RASA3: variants seen among roughly 807,000 people sequenced by gnomAD.
The protein encoded by RASA3 is RAS p21 protein activator 3.
In RASA3, 73 loss-of-function variants were observed where a neutral mutation model predicts 110.0. That is an observed-to-expected ratio of 0.66 (90% CI 0.55 to 0.81). The LOEUF (loss-of-function observed/expected upper bound fraction) is 0.81, where lower values mean the gene tolerates loss of function less well. RASA3 is among the 30% of genes least tolerant of loss of function. The probability of loss-of-function intolerance (pLI) is 0.00; values close to 1 mark genes in which losing one functional copy is unlikely to be tolerated. For missense variants in RASA3, 976 were observed against 1,113.2 expected (o/e 0.88, Z 1.75); for synonymous variants, 500 against 451.4 (o/e 1.11, Z -1.37).
At chr13:114,087,812 C>T (rs2139704142) in intron 1 of RASA3, among the ~76,000 whole-genome samples, 1 of 152,366 alleles carries the variant, frequency 6.6e-6, no homozygotes, top group African/African-American at 2.4e-5. Flanking sequence ...ATTCTGGGAG[C>T]AGCATTTCCT....
chr13:114,090,180 C>G (rs1002300084), intron 1 of RASA3, among the ~76,000 whole-genome samples: 1 of 152,186 alleles, frequency 6.6e-6, no homozygotes, highest in South Asian at 2.1e-4. Context: ...TGGGGCCGCA[C>G]GGCAACAGGT....
chr13:114,024,441 C>T, intron 7 of RASA3, 86 bp from the exon 8 acceptor site: 1 of 1,208,118 alleles, frequency 8.3e-7, no homozygotes, highest in Non-Finnish European at 1.2e-6. Flanking sequence ...GCTGCCCTAC[C>T]CTCTGCGCTT....
chr13:114,002,337 G>A (rs940905749), intron 18 of RASA3, among the ~76,000 whole-genome samples: 5 of 152,218 alleles, frequency 3.3e-5, no homozygotes, highest in African/African-American at 4.8e-5. Flanking sequence ...AGAAAAGGGC[G>A]GGGCGCTGGG....
chr13:114,059,227 G>A (rs2079297152), intron 2 of RASA3, among the ~76,000 whole-genome samples: 1 of 151,692 alleles, frequency 6.6e-6, no homozygotes, highest in Admixed American at 6.6e-5. Context: ...AGTCCCGCCT[G>A]GAGGAGCCGC....
In RASA3 at chr13:114,062,177, T is replaced by C. The variant is rs938085295; in HGVS notation, c.174-10022A>G. Among the ~76,000 whole-genome samples the C allele has an allele frequency of 5.2e-5, 7 of 135,282 alleles. No homozygotes were observed. The East Asian group carries it at 1.5e-3, about 29-fold the overall frequency. 88.8% of individuals were successfully genotyped at this position (135,282 alleles called of 152,430 possible). A position where few individuals can be genotyped will look rare whatever the true frequency, so the allele number is the denominator to read the frequency against. ...TCCATTTATGTGCAAGTTTTTAGAATTTTCCTGTGGGTTTTTTTTTTACTT... is the reference window on the plus strand; with the variant it reads ...TCCATTTATGTGCAAGTTTTTAGAACTTTCCTGTGGGTTTTTTTTTTACTT... On this transcript the variant is annotated intron_variant, in intron 2 of 23. Coordinates refer to ENST00000334062, the MANE Select transcript of RASA3 (RefSeq NM_007368.4).
chr13:114,024,358 G>A lies in RASA3; in HGVS notation c.604-3C>T, dbSNP rs2139348834. On this transcript the variant is annotated splice_polypyrimidine_tract_variant and splice_region_variant and intron_variant, in intron 7 of 23. Transcript: ENST00000334062. ...CTGTAGCTACAGGGCCGGGTCACCT[G>A]GAGTCAGACGAGAGAGAAAGCGCTG... 6.2e-7 allele frequency: 1 copy of A among 1,613,494 alleles called. No homozygotes were observed. Among genetic ancestry groups the A allele is most frequent in the Non-Finnish European group, 8.5e-7 (1 of 1,179,650 alleles).
Position 114,088,830 on chromosome 13 carries a change from G to A in RASA3, c.56-14993C>T, listed in dbSNP as rs144351373. 3.3e-4 allele frequency among the ~76,000 whole-genome samples: 51 copies of A among 152,304 alleles called. 1 individual carries two copies. Among genetic ancestry groups the A allele is most frequent in the Middle Eastern group, 3.4e-3 (1 of 294 alleles). ...CTCCCAAAGTGCTGGGATTACAGGC[G>A]TGAGCCACTGTGCCTGGCCCTAAAA... On this transcript the variant is annotated intron_variant, in intron 1 of 23. Transcript: ENST00000334062.
intron 3 of RASA3, among the ~76,000 whole-genome samples, chr13:114,049,249 G>A (rs1250945257): frequency 6.6e-6 from 1 of 151,906 alleles, no homozygotes; most frequent in African/African-American, 2.4e-5. Flanking sequence ...ACCCAGAAAC[G>A]CATTCCCCAG....
At chr13:114,078,731 C>T (rs541137347) in intron 1 of RASA3, among the ~76,000 whole-genome samples, 13 of 152,380 alleles carry the variant, frequency 8.5e-5, no homozygotes, top group African/African-American at 2.9e-4. Flanking sequence ...ATGACTCCCA[C>T]GCCCACGGCA....
Position 114,057,123 on chromosome 13 carries a change from T to C in RASA3, c.174-4968A>G, listed in dbSNP as rs1449520571. ...CTCCAGCACAGGCGATGGGTGAGTGTTTTGCATGTCTGATGTCGTTTATTC... is the reference window on the plus strand; with the variant it reads ...CTCCAGCACAGGCGATGGGTGAGTGCTTTGCATGTCTGATGTCGTTTATTC... On this transcript the variant is annotated intron_variant, in intron 2 of 23. Coordinates refer to ENST00000334062, the MANE Select transcript of RASA3 (RefSeq NM_007368.4). This position sits in a 1 kb window ranked among gnomAD's most constrained non-coding sequence, Gnocchi z 5.0. 5 of 858,390 alleles carry C rather than the reference T, an allele frequency of 5.8e-6. No individual in the cohort carries two copies. Among genetic ancestry groups the C allele is most frequent in the Admixed American group, 6.2e-5 (1 of 16,124 alleles). 53.2% of individuals were successfully genotyped at this position (858,390 alleles called of 1,614,324 possible).
intron 1 of RASA3, among the ~76,000 whole-genome samples, chr13:114,101,004 G>A (rs2080053152): frequency 6.6e-6 from 1 of 152,204 alleles, no homozygotes; most frequent in South Asian, 2.1e-4. Flanking sequence ...CAGGTGAGGG[G>A]GTGAGCGTCA....
rs143448898 is a variant in RASA3, at chr13:113,978,981, C to T, written c.*366G>A. The stretch of plus-strand genomic sequence containing the variant: ...GACGTGCACGAGACTGACGCACACA[C>T]GGCCGGAGGTGCATGTCACAGTCGA... On this transcript the variant is annotated 3_prime_UTR_variant, in exon 24 of 24. Transcript: ENST00000334062. 8 of 306,028 alleles carry T rather than the reference C, an allele frequency of 2.6e-5. No homozygotes were observed. The highest frequency in any genetic ancestry group is 9.1e-5 in the Admixed American group (2 of 21,896). The allele number at this position is 306,028 out of a possible 1,614,324, so 19.0% of individuals were successfully genotyped here.
At chr13:114,108,169 G>A (rs968407665) in intron 1 of RASA3, among the ~76,000 whole-genome samples, 5 of 151,696 alleles carry the variant, frequency 3.3e-5, no homozygotes, top group Non-Finnish European at 7.4e-5. Flanking sequence ...ATCATCCTCC[G>A]TCATCCCCTG....
At chr13:114,032,389 C>T (rs946863570) in intron 4 of RASA3, among the ~76,000 whole-genome samples, 4 of 152,168 alleles carry the variant, frequency 2.6e-5, no homozygotes, top group East Asian at 1.9e-4. Flanking sequence ...GGCCACACGT[C>T]GTGATGTCTG....
Position 114,028,073 on chromosome 13 carries a change from T to C in RASA3, c.450-146A>G, listed in dbSNP as rs1198004687. 4 of 659,416 alleles carry C rather than the reference T, an allele frequency of 6.1e-6. No individual in the cohort carries two copies. The Admixed American group carries it at 8.5e-5, about 14-fold the overall frequency. The allele number at this position is 659,416 out of a possible 1,614,324, so 40.8% of individuals were successfully genotyped here. ...AAGGCAGGGAGGGCCACACCAGCCA[T>C]TCTGCCTCGGTGTGACGCTGAATCA... On this transcript the variant is annotated intron_variant, in intron 5 of 23. Transcript: ENST00000334062.
At chr13:114,052,788 G>A (rs952897532) in intron 2 of RASA3, among the ~76,000 whole-genome samples, 1 of 141,042 alleles carries the variant, frequency 7.1e-6, no homozygotes, top group African/African-American at 2.7e-5. Context: ...GACCCCCGCT[G>A]CTGACTGTAC....
Position 114,112,101 on chromosome 13 carries a change from C to CCG in RASA3, c.55+20333_55+20334insCG, listed in dbSNP as rs1555343907. 1.6e-4 allele frequency among the ~76,000 whole-genome samples: 25 copies of CCG among 151,780 alleles called. No homozygotes were observed. The highest frequency in any genetic ancestry group is 5.6e-4 in the African/African-American group (23 of 41,416). On this transcript the variant is annotated intron_variant, in intron 1 of 23. Transcript: ENST00000334062. This position sits in a 1 kb window ranked among gnomAD's most constrained non-coding sequence, Gnocchi z 4.8. ...CCTGGAAACAGCAGCCCCCAGGCAC[C>CCG]CCCCCCAGCAACTGGGACAAGGGCA...
intron 22 of RASA3, among the ~76,000 whole-genome samples, chr13:113,982,529 T>G (rs1269302961): frequency 6.6e-6 from 1 of 152,224 alleles, no homozygotes; most frequent in Non-Finnish European, 1.5e-5. Context: ...ATGGAACCCT[T>G]GAGCCAGGGC....
intron 1 of RASA3, among the ~76,000 whole-genome samples, chr13:114,095,636 A>C (rs2079932566): frequency 1.3e-5 from 2 of 151,982 alleles, no homozygotes; most frequent in Non-Finnish European, 1.5e-5. Flanking sequence ...GCGTCCACTC[A>C]CACTCACAAG....
Sources: gnomAD v4.1 joint callset for allele counts (sites outside exome capture counted in the v4.1 genomes callset) on GRCh38, gnomAD v4.1.1 for gene constraint, Gnocchi (gnomAD v3.1) non-coding constraint, MANE v1.5 for transcripts, NCBI Gene and HGNC (gene_info 2026-07-23, HGNC 2026-07-21) for gene names.